C1QTNF3: variants seen among roughly 807,000 people sequenced by gnomAD.
C1QTNF3 encodes complement C1q tumor necrosis factor-related protein 3.
In C1QTNF3, 26 loss-of-function variants were observed where a neutral mutation model predicts 32.6. The observed-to-expected ratio is 0.80, with a 90% CI of 0.58 to 1.11. The LOEUF is 1.11. C1QTNF3 is among the 50% of genes least tolerant of loss of function. The probability of loss-of-function intolerance (pLI) is 0.00; values close to 1 mark genes in which losing one functional copy is unlikely to be tolerated. For missense variants in C1QTNF3, 362 were observed against 398.2 expected, an observed-to-expected ratio of 0.91 and a Z score of 0.77; for synonymous variants, 155 against 146.0, an observed-to-expected ratio of 1.06 and a Z score of -0.44.
At chr5:34,197,761 G>A in the C1QTNF3 span, among the ~76,000 whole-genome samples, 6 of 151,898 alleles carry the variant, frequency 4.0e-5, no homozygotes, top group African/African-American at 1.5e-4. Context: ...GAATACCATA[G>A]ACAGGGTAGC....
the C1QTNF3 span, chr5:34,106,453 C>T: frequency 6.8e-6 from 1 of 147,606 alleles, no homozygotes; most frequent in African/African-American, 2.5e-5. Context: ...TAACCTGTTC[C>T]ATAAATGATG....
chr5:34,042,016 CT>C (rs1216353292), intron 1 of C1QTNF3, among the ~76,000 whole-genome samples: 3 of 149,296 alleles, frequency 2.0e-5, no homozygotes, highest in Non-Finnish European at 3.0e-5. Context: ...TACTAGATGT[CT>C]AGAGGGTAAT....
chr5:34,210,348 CT>C, the C1QTNF3 span, among the ~76,000 whole-genome samples: 97 of 152,146 alleles, frequency 6.4e-4, no homozygotes, highest in African/African-American at 2.3e-3. Flanking sequence ...TGACTACTCT[CT>C]TTAGAAGGAG....
At chr5:34,197,398 TATAAA>T in the C1QTNF3 span, among the ~76,000 whole-genome samples, 10 of 152,210 alleles carry the variant, frequency 6.6e-5, no homozygotes, top group African/African-American at 1.9e-4. Context: ...GCCATTCTCT[TATAAA>T]AGAAATCCCA....
At chr5:34,160,445 C>T in the C1QTNF3 span, among the ~76,000 whole-genome samples, 1 of 152,164 alleles carries the variant, frequency 6.6e-6, no homozygotes, top group Non-Finnish European at 1.5e-5. Flanking sequence ...GCCCAATTCT[C>T]TGTGCCTGAA....
At chr5:34,178,315 A>T in the C1QTNF3 span, among the ~76,000 whole-genome samples, 1 of 152,132 alleles carries the variant, frequency 6.6e-6, no homozygotes, top group African/African-American at 2.4e-5. Flanking sequence ...TACCTTTTCA[A>T]AGAGAATGAA....
chr5:34,107,852 C>G, the C1QTNF3 span, among the ~76,000 whole-genome samples: 1 of 152,044 alleles, frequency 6.6e-6, no homozygotes, highest in Non-Finnish European at 1.5e-5. Context: ...CATTTCCCAC[C>G]AGCACAAAAT....
the C1QTNF3 span, among the ~76,000 whole-genome samples, chr5:34,130,241 A>G: frequency 2.6e-5 from 4 of 152,060 alleles, no homozygotes; most frequent in Non-Finnish European, 4.4e-5. Context: ...GACAACTTAC[A>G]AATTTAAATA....
the C1QTNF3 span, among the ~76,000 whole-genome samples, chr5:34,242,179 G>T: frequency 6.6e-6 from 1 of 152,034 alleles, no homozygotes; most frequent in African/African-American, 2.4e-5. Flanking sequence ...AAATTTATAT[G>T]GAACACCCCC....
chr5:34,083,640 C>A, the C1QTNF3 span, among the ~76,000 whole-genome samples: 3 of 151,690 alleles, frequency 2.0e-5, no homozygotes, highest in Non-Finnish European at 4.4e-5. Context: ...AAAAGACATT[C>A]TGCTAATTTT....
At chr5:34,164,042 C>A in the C1QTNF3 span, among the ~76,000 whole-genome samples, 6 of 152,168 alleles carry the variant, frequency 3.9e-5, no homozygotes, top group South Asian at 1.2e-3. Flanking sequence ...TTAACATCTG[C>A]CTATATTACA....
the C1QTNF3 span, among the ~76,000 whole-genome samples, chr5:34,053,153 A>G: frequency 6.6e-6 from 1 of 152,182 alleles, no homozygotes; most frequent in African/African-American, 2.4e-5. Context: ...TGCCTTGAAA[A>G]TTAATCACTG....
At position 34,042,939 on chromosome 5, in the gene C1QTNF3, G is replaced by A. The variant is rs141837290; in HGVS notation, c.187C>T (p.Pro63Ser). Residue 63 changes from proline to serine, a missense_variant, in exon 1 of 6, where the codon CCT (proline) becomes TCT (serine). Transcript: ENST00000382065. ...RREKVRERSH[P>S]KTGTVDNNTS... The stretch of plus-strand genomic sequence containing the variant: ...TTATTATCCACAGTCCCAGTTTTAG[G>A]ATGGCTCCGCTCTCTCACTTTCTCC... The A allele has an allele frequency of 9.9e-6, 16 of 1,614,050 alleles. No homozygotes were observed. In the African/African-American group the frequency reaches 1.5e-4, roughly 15 times the overall value.
the C1QTNF3 span, among the ~76,000 whole-genome samples, chr5:34,222,140 G>GA: frequency 1.3e-5 from 2 of 151,710 alleles, no homozygotes; most frequent in Non-Finnish European, 1.5e-5. Flanking sequence ...AATGTTAATG[G>GA]AAAAAATCAG....
chr5:34,217,942 C>T, the C1QTNF3 span, among the ~76,000 whole-genome samples: 1 of 151,918 alleles, frequency 6.6e-6, no homozygotes, highest in African/African-American at 2.4e-5. Context: ...AATAATAATA[C>T]ACACTATGGC....
chr5:34,028,548 C>T (rs574824257), intron 4 of C1QTNF3, among the ~76,000 whole-genome samples: 3 of 152,082 alleles, frequency 2.0e-5, no homozygotes, highest in African/African-American at 7.2e-5. Flanking sequence ...ACTTTGAAAT[C>T]CAACAGAAAT....
intron 1 of C1QTNF3, among the ~76,000 whole-genome samples, chr5:34,037,435 T>A (rs1480798111): frequency 6.6e-6 from 1 of 152,244 alleles, no homozygotes; most frequent in African/African-American, 2.4e-5. Context: ...CTTCACACAG[T>A]TAAACACTTA....
At chr5:34,127,177 C>T in the C1QTNF3 span, among the ~76,000 whole-genome samples, 21 of 151,692 alleles carry the variant, frequency 1.4e-4, no homozygotes, top group African/African-American at 4.8e-4. Context: ...AAGCTGGTAC[C>T]GGGAAAGTGT....
rs533074474 is a variant in C1QTNF3, at chr5:34,038,669, C to T, written c.304-2911G>A. On this transcript the variant is annotated intron_variant, in intron 1 of 5. Coordinates refer to ENST00000382065, the MANE Select transcript of C1QTNF3 (RefSeq NM_181435.6). ...CCAGGAAAGATTAACCACTGGAGAA[C>T]TGAAGAGACTGGGAGTCATCACAAG... Among the ~76,000 whole-genome samples the T allele has an allele frequency of 2.6e-5, 4 of 152,316 alleles. No homozygotes were observed. In the East Asian group the frequency reaches 7.7e-4, roughly 29 times the overall value.
Sources: allele counts gnomAD v4.1 joint callset (sites outside exome capture counted in the v4.1 genomes callset), GRCh38; gene constraint gnomAD v4.1.1; transcripts MANE v1.5; gene names NCBI Gene and HGNC (gene_info 2026-07-23, HGNC 2026-07-21).